The following SMAD3 variants were observed in gnomAD, a reference collection of about 807,000 sequenced individuals.
The protein encoded by SMAD3 is SMAD family member 3.
SMAD3 carries 12 observed loss-of-function variants against 51.8 expected under a neutral mutation model. The ratio of observed to expected loss-of-function variants is 0.23; its 90% CI spans 0.15 to 0.38. SMAD3 has a LOEUF of 0.38. Ranked by LOEUF, SMAD3 falls within the 10% of genes least tolerant of loss-of-function variation. The pLI is 1.00. For missense variants in SMAD3, 294 were observed against 565.6 expected (o/e 0.52, Z 4.87); for synonymous variants, 238 against 227.7 (o/e 1.05, Z -0.41).
In SMAD3 at chr15:67,099,378, G is replaced by A. The variant is rs900722211; in HGVS notation, c.206+33018G>A. Reference sequence around the variant, plus strand: ...ATTGAATTGTGTTTTAAGACTACTGGGAAAACCATTTAAAGGAATCCTGTT... The same window carrying A: ...ATTGAATTGTGTTTTAAGACTACTGAGAAAACCATTTAAAGGAATCCTGTT... On this transcript the variant is annotated intron_variant, in intron 1 of 8. Coordinates refer to ENST00000327367, the MANE Select transcript of SMAD3 (RefSeq NM_005902.4). Among the ~76,000 whole-genome samples, 3 of 152,236 alleles carry A rather than the reference G, an allele frequency of 2.0e-5. No individual in the cohort carries two copies. In the East Asian group the frequency reaches 5.8e-4, roughly 29 times the overall value.
At chr15:67,068,124 A>T (rs1959970209) in intron 1 of SMAD3, among the ~76,000 whole-genome samples, 1 of 152,232 alleles carries the variant, frequency 6.6e-6, no homozygotes, top group Non-Finnish European at 1.5e-5. Flanking sequence ...GACAGAAAGC[A>T]AGCAAGCAAC....
At chr15:67,090,060 G>A (rs1003244097) in intron 1 of SMAD3, among the ~76,000 whole-genome samples, 5 of 152,212 alleles carry the variant, frequency 3.3e-5, no homozygotes, top group Non-Finnish European at 5.9e-5. Context: ...GTGGACAAGT[G>A]TGCACGAGGG....
At chr15:67,136,877 C>T (rs1027077608) in intron 1 of SMAD3, among the ~76,000 whole-genome samples, 3 of 152,190 alleles carry the variant, frequency 2.0e-5, no homozygotes, top group African/African-American at 7.2e-5. Context: ...ACCATGGTCT[C>T]TTCAGGTTTC....
At chr15:67,134,059 T>C (rs1961593608) in intron 1 of SMAD3, among the ~76,000 whole-genome samples, 1 of 152,012 alleles carries the variant, frequency 6.6e-6, no homozygotes, top group African/African-American at 2.4e-5. Context: ...TAGAGGAAAA[T>C]GGGATGATGT....
chr15:67,157,780 C>T (rs1962322863), intron 1 of SMAD3, among the ~76,000 whole-genome samples: 1 of 152,228 alleles, frequency 6.6e-6, no homozygotes, highest in Non-Finnish European at 1.5e-5. Context: ...GCCATGGCCA[C>T]ATCCTTGGCT....
chr15:67,191,088 G>C lies in SMAD3; in HGVS notation c.*552G>C, dbSNP rs769408016. On this transcript the variant is annotated 3_prime_UTR_variant, in exon 9 of 9. Coordinates refer to ENST00000327367, the MANE Select transcript of SMAD3 (RefSeq NM_005902.4). ...AGCAGACCTTGCCCCTTGTGAGCTG[G>C]ATAGACTTGGGATGGGGAGGGAGGG... 4 of 235,236 alleles carry C rather than the reference G, an allele frequency of 1.7e-5. No homozygotes were observed. Among genetic ancestry groups the C allele is most frequent in the Non-Finnish European group, 2.5e-5 (3 of 119,446 alleles). The allele number at this position is 235,236 out of a possible 1,614,324, so 14.6% of individuals were successfully genotyped here.
At chr15:67,147,944 G>C (rs1158228214) in intron 1 of SMAD3, among the ~76,000 whole-genome samples, 1 of 152,174 alleles carries the variant, frequency 6.6e-6, no homozygotes, top group East Asian at 1.9e-4. Context: ...AAGAGTCAAA[G>C]TTCTGAAGTT....
chr15:67,143,608 T>C (rs1029727559), intron 1 of SMAD3, among the ~76,000 whole-genome samples: 4 of 152,064 alleles, frequency 2.6e-5, no homozygotes, highest in African/African-American at 9.7e-5. Flanking sequence ...CTCATTTTTG[T>C]CTTTTTAGTA....
chr15:67,104,153 CCCAACTTTTGACAA>C, intron 1 of SMAD3, among the ~76,000 whole-genome samples: 1 of 152,214 alleles, frequency 6.6e-6, no homozygotes, highest in Non-Finnish European at 1.5e-5. Context: ...CATCTCCGCC[CCCAACTTTTGACAA>C]CCAAGAACTT....
chr15:67,176,164 G>T lies in SMAD3; in HGVS notation c.659-5077G>T, dbSNP rs114221913. On this transcript the variant is annotated intron_variant, in intron 5 of 8. Coordinates refer to ENST00000327367, the MANE Select transcript of SMAD3 (RefSeq NM_005902.4). ...GGGACACAGCTGGCGTGGGCTCACA[G>T]AGACCTCATCCTCTAGCATAGGAGA... 2.2e-3 allele frequency among the ~76,000 whole-genome samples: 337 copies of T among 152,334 alleles called. 2 individuals carry two copies. The highest frequency in any genetic ancestry group is 7.6e-3 in the African/African-American group (315 of 41,566).
chr15:67,127,530 G>A (rs1370687632), intron 1 of SMAD3, among the ~76,000 whole-genome samples: 1 of 152,164 alleles, frequency 6.6e-6, no homozygotes, highest in African/African-American at 2.4e-5. Context: ...AGGGGAAGAG[G>A]TTTGCTCATC....
intron 1 of SMAD3, among the ~76,000 whole-genome samples, chr15:67,119,942 A>G (rs1438470227): frequency 1.3e-5 from 2 of 152,142 alleles, no homozygotes; most frequent in Non-Finnish European, 2.9e-5. Context: ...GATTATAGGC[A>G]CACGCTACCA....
At chr15:67,128,738 GT>G (rs1288209688) in intron 1 of SMAD3, among the ~76,000 whole-genome samples, 2 of 151,940 alleles carry the variant, frequency 1.3e-5, no homozygotes, top group South Asian at 4.2e-4. Context: ...CACCCAGCTA[GT>G]TTTTAAATAT....
Position 67,166,854 on chromosome 15 carries a change from G to C in SMAD3, c.607+1G>C. 6.3e-7 allele frequency: 1 copy of C among 1,585,926 alleles called. No individual in the cohort carries two copies. Among genetic ancestry groups the C allele is most frequent in the Non-Finnish European group, 8.6e-7 (1 of 1,165,124 alleles). On this transcript the variant is annotated splice_donor_variant, in intron 4 of 8. Transcript: ENST00000327367. LOFTEE classifies it high-confidence loss of function. ...CAGATGAACCACAGCATGGACGCAG[G>C]TCAGTCATGCAGGGTCATGCTCTTA...
At chr15:67,095,058 C>T (rs7169814) in intron 1 of SMAD3, among the ~76,000 whole-genome samples, 2,939 of 152,170 alleles carry the variant, frequency 0.019, 81 homozygotes, top group African/African-American at 0.067. Context: ...CAAGGCATTG[C>T]TTAGTGTTTA....
intron 1 of SMAD3, among the ~76,000 whole-genome samples, chr15:67,120,666 A>T (rs1473998096): frequency 6.6e-6 from 1 of 152,142 alleles, no homozygotes; most frequent in Non-Finnish European, 1.5e-5. Flanking sequence ...TGGCCCTACC[A>T]GGTAAGAAAT....
intron 1 of SMAD3, among the ~76,000 whole-genome samples, chr15:67,102,332 G>C (rs1449702166): frequency 1.3e-5 from 2 of 151,840 alleles, no homozygotes; most frequent in Non-Finnish European, 2.9e-5. Flanking sequence ...AGCCAGGAGA[G>C]TAGGATGAGT....
chr15:67,070,575 C>G (rs1960030749), intron 1 of SMAD3, among the ~76,000 whole-genome samples: 1 of 151,492 alleles, frequency 6.6e-6, no homozygotes, highest in South Asian at 2.1e-4. Context: ...CTGTGAGAAG[C>G]TTACACATCA....
Position 67,065,768 on chromosome 15 carries a change from G to A in SMAD3, c.-387G>A. On this transcript the variant is annotated 5_prime_UTR_variant, in exon 1 of 9. Coordinates refer to ENST00000327367, the MANE Select transcript of SMAD3 (RefSeq NM_005902.4). ...AAAGCTAGCGAGGCGAGCGAAGTTT[G>A]GCCGGGGGTTGGACTTTCCTTCCCG... 1 of 200,696 alleles carries A rather than the reference G, an allele frequency of 5.0e-6. No individual in the cohort carries two copies. The highest frequency in any genetic ancestry group is 1.0e-5 in the Non-Finnish European group (1 of 97,028). 12.4% of individuals were successfully genotyped at this position (200,696 alleles called of 1,614,324 possible).
Sources: allele counts gnomAD v4.1 joint callset (sites outside exome capture counted in the v4.1 genomes callset), GRCh38; gene constraint gnomAD v4.1.1; transcripts MANE v1.5; gene names NCBI Gene and HGNC (gene_info 2026-07-23, HGNC 2026-07-21).